ZZZ3: variants seen among roughly 807,000 people sequenced by gnomAD.
ZZZ3 encodes the protein ZZ-type zinc finger-containing protein 3.
ZZZ3 carries 22 observed loss-of-function variants against 95.2 expected under a neutral mutation model. That is an observed-to-expected ratio of 0.23 (90% CI 0.17 to 0.33). The LOEUF is 0.33. Among genes scored for constraint, ZZZ3 ranks in the 10% least tolerant of loss-of-function variants. ZZZ3 has a pLI of 1.00. For missense variants in ZZZ3, 885 were observed against 1,066.5 expected, an observed-to-expected ratio of 0.83 and a Z score of 2.37; for synonymous variants, 335 against 358.9, an observed-to-expected ratio of 0.93 and a Z score of 0.75.
chr1:77,595,256 G>A (rs1664110992), intron 5 of ZZZ3, among the ~76,000 whole-genome samples: 1 of 151,976 alleles, frequency 6.6e-6, no homozygotes, highest in Admixed American at 6.6e-5. Context: ...ATTTGCCAGA[G>A]TTTTAATGAT....
intron 11 of ZZZ3, among the ~76,000 whole-genome samples, chr1:77,577,496 A>C (rs911371182): frequency 2.6e-5 from 4 of 152,240 alleles, no homozygotes; most frequent in Admixed American, 2.6e-4. Flanking sequence ...GCAAATTAAA[A>C]CAAGCTTCCA....
intron 5 of ZZZ3, among the ~76,000 whole-genome samples, chr1:77,587,230 T>C (rs1220066598): frequency 6.6e-6 from 1 of 151,094 alleles, no homozygotes; most frequent in Non-Finnish European, 1.5e-5. Context: ...CCACAATGAA[T>C]GTTTAAAAAT....
At position 77,609,999 on chromosome 1, in the gene ZZZ3, G is replaced by C. The variant is rs149858411; in HGVS notation, c.1505+21851C>G. Among the ~76,000 whole-genome samples the C allele has an allele frequency of 1.5e-3, 220 of 151,522 alleles. 2 individuals are homozygous for C. Among genetic ancestry groups the C allele is most frequent in the African/African-American group, 5.1e-3 (210 of 41,358 alleles). ...CAAGAGCAAACCAAACCCAAAATTA[G>C]AAGAAATCATATAGATCAGAAGTAA... On this transcript the variant is annotated intron_variant, in intron 5 of 14. Transcript: ENST00000370801.
intron 3 of ZZZ3, among the ~76,000 whole-genome samples, chr1:77,640,643 G>A (rs1380497288): frequency 6.6e-6 from 1 of 151,708 alleles, no homozygotes; most frequent in Non-Finnish European, 1.5e-5. Flanking sequence ...CTGCTAAATG[G>A]GTTACTATGA....
chr1:77,678,591 T>C (rs758586349), intron 1 of ZZZ3, among the ~76,000 whole-genome samples: 2 of 152,210 alleles, frequency 1.3e-5, no homozygotes, highest in African/African-American at 4.8e-5. Flanking sequence ...TTAATGATTA[T>C]AGGAGTGTAT....
At chr1:77,653,660 G>T (rs1670009969) in intron 1 of ZZZ3, among the ~76,000 whole-genome samples, 2 of 151,858 alleles carry the variant, frequency 1.3e-5, no homozygotes, top group South Asian at 2.1e-4. Context: ...GGCTGAGGCA[G>T]GAGAATCACT....
chr1:77,647,986 G>A (rs1669446988), intron 1 of ZZZ3, among the ~76,000 whole-genome samples: 2 of 152,216 alleles, frequency 1.3e-5, no homozygotes, highest in Admixed American at 6.5e-5. Flanking sequence ...CCAGAACACA[G>A]GCCAAGAATA....
chr1:77,682,024 T>C (rs1412360994), intron 1 of ZZZ3, among the ~76,000 whole-genome samples: 1 of 151,976 alleles, frequency 6.6e-6, no homozygotes, highest in East Asian at 1.9e-4. Context: ...ACCCTACCGA[T>C]AACTGAGTTA....
At chr1:77,639,664 T>A (rs979525711) in intron 3 of ZZZ3, 62 bp from the exon 4 acceptor site, 4 of 391,366 alleles carry the variant, frequency 1.0e-5, no homozygotes, top group Non-Finnish European at 1.8e-5. Flanking sequence ...GCTAATAGAT[T>A]TACTCCTTCT....
intron 6 of ZZZ3, 98 bp downstream of exon 6, chr1:77,584,419 T>G: frequency 8.0e-7 from 1 of 1,244,462 alleles, no homozygotes; most frequent in East Asian, 2.6e-5. Flanking sequence ...AAATTAAACA[T>G]TTTAAAAAGT....
Position 77,639,437 on chromosome 1 carries a change from T to G in ZZZ3, c.-52+12A>C. 6.6e-7 allele frequency: 1 copy of G among 1,511,478 alleles called. No homozygotes were observed. 93.6% of individuals were successfully genotyped at this position (1,511,478 alleles called of 1,614,324 possible). A position where few individuals can be genotyped will look rare whatever the true frequency, so the allele number is the denominator to read the frequency against. ...ATAGCTGTCTTCACTACTGCAAAACTAAATAACTTACCTGTACAACCAAAG... is the reference window on the plus strand; with the variant it reads ...ATAGCTGTCTTCACTACTGCAAAACGAAATAACTTACCTGTACAACCAAAG... On this transcript the variant is annotated intron_variant, in intron 4 of 14. Coordinates refer to ENST00000370801, the MANE Select transcript of ZZZ3 (RefSeq NM_015534.6).
intron 4 of ZZZ3, among the ~76,000 whole-genome samples, chr1:77,637,841 T>G (rs760059118): frequency 5.3e-5 from 8 of 152,210 alleles, no homozygotes; most frequent in Non-Finnish European, 1.0e-4. Context: ...TGCCAAATAT[T>G]GTTAAGGAAT....
intron 5 of ZZZ3, among the ~76,000 whole-genome samples, chr1:77,607,401 CAA>C (rs1377979857): frequency 6.6e-6 from 1 of 152,080 alleles, no homozygotes; most frequent in Non-Finnish European, 1.5e-5. Context: ...GGAACACAGC[CAA>C]ACCATATCAA....
chr1:77,609,660 T>C (rs775031886), intron 5 of ZZZ3, among the ~76,000 whole-genome samples: 11 of 151,900 alleles, frequency 7.2e-5, no homozygotes, highest in Non-Finnish European at 1.6e-4. Flanking sequence ...CTTAAAACAT[T>C]CAAAAAGACT....
At chr1:77,623,927 CA>C (rs994611163) in intron 5 of ZZZ3, among the ~76,000 whole-genome samples, 7 of 148,436 alleles carry the variant, frequency 4.7e-5, no homozygotes, top group African/African-American at 5.0e-5. Flanking sequence ...AAAGTAAGAC[CA>C]AAAAAAAAGA....
rs541606194 is a variant in ZZZ3, at chr1:77,574,183, T to C, written c.2331+1885A>G. Among the ~76,000 whole-genome samples the C allele has an allele frequency of 2.5e-3, 373 of 148,392 alleles. 2 individuals carry two copies. The highest frequency in any genetic ancestry group is 0.017 in the South Asian group (81 of 4,768). ...ATATATAGATATATATAGATTTATA[T>C]AGATATATCTATATATATGGCAAAA... On this transcript the variant is annotated intron_variant, in intron 12 of 14. Transcript: ENST00000370801.
chr1:77,615,831 T>C (rs1570513655), intron 5 of ZZZ3, among the ~76,000 whole-genome samples: 1 of 152,330 alleles, frequency 6.6e-6, no homozygotes, highest in South Asian at 2.1e-4. Flanking sequence ...TTTGGTTTTA[T>C]TTTTTAGATA....
intron 5 of ZZZ3, among the ~76,000 whole-genome samples, chr1:77,629,167 G>C (rs1250485201): frequency 6.6e-6 from 1 of 152,084 alleles, no homozygotes; most frequent in African/African-American, 2.4e-5. Context: ...GAAGGTATGG[G>C]GGAGGAAAGA....
chr1:77,621,430 G>T (rs1666850032), intron 5 of ZZZ3, among the ~76,000 whole-genome samples: 3 of 149,962 alleles, frequency 2.0e-5, no homozygotes, highest in Admixed American at 2.0e-4. Context: ...GTGACAGAGT[G>T]AGACCCTCCC....
Sources: gnomAD v4.1 joint callset for allele counts (sites outside exome capture counted in the v4.1 genomes callset) on GRCh38, gnomAD v4.1.1 for gene constraint, MANE v1.5 for transcripts, NCBI Gene and HGNC (gene_info 2026-07-23, HGNC 2026-07-21) for gene names.